Variants in DPP10 observed in about 807,000 individuals in gnomAD.
DPP10 encodes inactive dipeptidyl peptidase 10.
Under a neutral mutation model 120.9 loss-of-function variants are expected in DPP10, and 33 were observed. The observed-to-expected ratio is 0.27, with a 90% CI of 0.21 to 0.37. The LOEUF is 0.37. Ranked by LOEUF, DPP10 falls within the 10% of genes least tolerant of loss-of-function variation. The pLI is 1.00. For missense variants in DPP10, 816 were observed against 942.8 expected (o/e 0.87, Z 1.76); for synonymous variants, 337 against 326.1 (o/e 1.03, Z -0.36).
intron 1 of DPP10, among the ~76,000 whole-genome samples, chr2:115,265,014 G>T (rs2105775725): frequency 6.6e-6 from 1 of 152,176 alleles, no homozygotes; most frequent in African/African-American, 2.4e-5. Context: ...ACTGCTATGT[G>T]GTATGACTTG....
intron 1 of DPP10, among the ~76,000 whole-genome samples, chr2:115,032,025 A>G (rs1441042184): frequency 6.6e-6 from 1 of 152,190 alleles, no homozygotes; most frequent in Admixed American, 6.5e-5. Context: ...AAATACTCTA[A>G]AAGAAGAATC....
At chr2:114,623,369 T>G (rs1026968401) in intron 1 of DPP10, among the ~76,000 whole-genome samples, 2 of 152,106 alleles carry the variant, frequency 1.3e-5, no homozygotes, top group African/African-American at 4.8e-5. Flanking sequence ...ATGATACAAC[T>G]GCCAGCAGCA....
chr2:114,837,825 C>T (rs758791914), intron 1 of DPP10, among the ~76,000 whole-genome samples: 2 of 152,214 alleles, frequency 1.3e-5, no homozygotes, highest in Non-Finnish European at 2.9e-5. Flanking sequence ...ATAGTTTTCT[C>T]ACCCACCTCT....
At chr2:115,561,358 C>CAAAAAAAA (rs11421762) in intron 5 of DPP10, among the ~76,000 whole-genome samples, 2 of 59,806 alleles carry the variant, frequency 3.3e-5, no homozygotes, top group Non-Finnish European at 2.8e-5. Flanking sequence ...GACTCCATCA[C>CAAAAAAAA]AAAAAAAAAA....
At chr2:115,738,507 G>A (rs1474686562) in intron 8 of DPP10, among the ~76,000 whole-genome samples, 1 of 151,998 alleles carries the variant, frequency 6.6e-6, no homozygotes, top group Non-Finnish European at 1.5e-5. Flanking sequence ...ACAATCATAG[G>A]ACAGGCATTA....
intron 1 of DPP10, among the ~76,000 whole-genome samples, chr2:114,846,293 C>T (rs146197377): frequency 2.6e-5 from 4 of 152,252 alleles, no homozygotes; most frequent in Non-Finnish European, 5.9e-5. Flanking sequence ...CAAGCCATGA[C>T]ATTCAAGTAA....
chr2:115,097,497 C>T (rs1485713301), intron 1 of DPP10, among the ~76,000 whole-genome samples: 1 of 152,154 alleles, frequency 6.6e-6, no homozygotes, highest in Non-Finnish European at 1.5e-5. Flanking sequence ...ATAAAATGAA[C>T]ATGTAATACA....
At chr2:115,324,065 A>G (rs377459020) in intron 2 of DPP10, among the ~76,000 whole-genome samples, 8 of 152,044 alleles carry the variant, frequency 5.3e-5, no homozygotes, top group African/African-American at 1.4e-4. Context: ...TGAAAGTCCT[A>G]GATAGATCAA....
At chr2:115,821,512 A>G (rs142760120) in intron 21 of DPP10, among the ~76,000 whole-genome samples, 21 of 152,162 alleles carry the variant, frequency 1.4e-4, no homozygotes, top group Middle Eastern at 3.4e-3. Flanking sequence ...AGAGAGAGAA[A>G]TATGTTTTTA....
intron 21 of DPP10, among the ~76,000 whole-genome samples, chr2:115,833,122 A>G (rs758945309): frequency 2.6e-5 from 4 of 152,334 alleles, no homozygotes; most frequent in South Asian, 2.1e-4. Context: ...TCAGGCTATG[A>G]GAGACATGTG....
intron 5 of DPP10, among the ~76,000 whole-genome samples, chr2:115,538,620 C>T (rs2079004709): frequency 6.6e-6 from 1 of 151,912 alleles, no homozygotes; most frequent in East Asian, 1.9e-4. Flanking sequence ...AAAAATCTGG[C>T]TCCCAAAATG....
intron 1 of DPP10, among the ~76,000 whole-genome samples, chr2:114,488,913 T>A (rs1681747603): frequency 6.6e-6 from 1 of 152,198 alleles, no homozygotes; most frequent in African/African-American, 2.4e-5. Context: ...TTCTTGATCA[T>A]GCTAAGTAAT....
intron 1 of DPP10, among the ~76,000 whole-genome samples, chr2:115,117,260 C>G (rs1424725760): frequency 6.6e-6 from 1 of 152,072 alleles, no homozygotes; most frequent in Non-Finnish European, 1.5e-5. Context: ...GTGGTTTTAT[C>G]ATTAAAAAGT....
At chr2:115,766,071 C>A (rs535275007) in intron 12 of DPP10, among the ~76,000 whole-genome samples, 2 of 151,726 alleles carry the variant, frequency 1.3e-5, no homozygotes, top group Non-Finnish European at 2.9e-5. Context: ...GTCACTGTTT[C>A]AGGTGCTGCA....
chr2:114,921,276 C>T (rs542909655), intron 1 of DPP10, among the ~76,000 whole-genome samples: 23 of 152,160 alleles, frequency 1.5e-4, no homozygotes, highest in African/African-American at 3.9e-4. Flanking sequence ...GCCTATTTGT[C>T]GGTGCTGTAA....
chr2:114,634,743 G>A (rs532232238), intron 1 of DPP10, among the ~76,000 whole-genome samples: 1 of 152,038 alleles, frequency 6.6e-6, no homozygotes, highest in Admixed American at 6.5e-5. Flanking sequence ...CAGGCACATA[G>A]TAATTACTCA....
intron 1 of DPP10, among the ~76,000 whole-genome samples, chr2:115,006,472 C>A (rs1181259910): frequency 6.7e-6 from 1 of 149,134 alleles, no homozygotes; most frequent in Non-Finnish European, 1.5e-5. Flanking sequence ...TCAGGAAACC[C>A]ATCTCACATG....
At chr2:115,328,862 G>C (rs1051336121) in intron 2 of DPP10, among the ~76,000 whole-genome samples, 2 of 152,018 alleles carry the variant, frequency 1.3e-5, no homozygotes, top group Admixed American at 1.3e-4. Context: ...TAAATGGAGT[G>C]ATCTAACCAA....
intron 5 of DPP10, among the ~76,000 whole-genome samples, chr2:115,630,418 C>T (rs1042427076): frequency 6.6e-6 from 1 of 152,020 alleles, no homozygotes; most frequent in African/African-American, 2.4e-5. Flanking sequence ...GCCTGATTGC[C>T]CTGGCCAGAA....
Sources: allele counts gnomAD v4.1 joint callset (sites outside exome capture counted in the v4.1 genomes callset), GRCh38; gene constraint gnomAD v4.1.1; transcripts MANE v1.5; gene names NCBI Gene and HGNC (gene_info 2026-07-23, HGNC 2026-07-21).